Variants in PALS1 observed in about 807,000 individuals in gnomAD.
PALS1 encodes the protein protein PALS1.
PALS1 carries 31 observed loss-of-function variants against 78.9 expected under a neutral mutation model. The observed-to-expected ratio is 0.39, with a 90% CI of 0.30 to 0.53. The LOEUF (loss-of-function observed/expected upper bound fraction) is 0.53, where lower values mean the gene tolerates loss of function less well. PALS1 is among the 20% of genes least tolerant of loss of function. PALS1 has a pLI of 0.67. For synonymous variants in PALS1, 276 were observed against 270.9 expected (o/e 1.02, Z -0.18); for missense variants, 704 against 826.5 (o/e 0.85, Z 1.82).
chr14:67,320,084 C>CTGA, intron 11 of PALS1, 146 bp from the exon 12 acceptor site: 1 of 581,352 alleles, frequency 1.7e-6, no homozygotes. Context: ...ATATTGTTGT[C>CTGA]TGATTCATTT....
At chr14:67,244,087 AG>A (rs1237916187) in intron 1 of PALS1, among the ~76,000 whole-genome samples, 1 of 152,238 alleles carries the variant, frequency 6.6e-6, no homozygotes, top group African/African-American at 2.4e-5. Context: ...CTTAACTGGC[AG>A]GATTCTTTCT....
At position 67,323,767 on chromosome 14, in the gene PALS1, A is replaced by G; in HGVS notation, c.1806A>G (p.Gln602=). 1 of 1,605,458 alleles carries G rather than the reference A, an allele frequency of 6.2e-7. No homozygotes were observed. Among genetic ancestry groups the G allele is most frequent in the African/African-American group, 1.3e-5 (1 of 74,316 alleles). Residue 602 remains glutamine (Q), a synonymous_variant, in exon 14 of 15, where the codon CAA becomes CAG. Transcript: ENST00000261681. ...TTATCTTCATTGCACCCCCTTCACA[A>G]GAAAGACTTCGGGCATTATTGGCCA... ...PYIIFIAPPS[Q]ERLRALLAKE...
chr14:67,306,912 T>C (rs2085013217), intron 8 of PALS1, among the ~76,000 whole-genome samples: 5 of 152,216 alleles, frequency 3.3e-5, no homozygotes, highest in Admixed American at 3.3e-4. Flanking sequence ...TCAGCATCTG[T>C]TGATAGCAGC....
At chr14:67,327,550 T>A (rs2085377543) in intron 14 of PALS1, among the ~76,000 whole-genome samples, 1 of 152,118 alleles carries the variant, frequency 6.6e-6, no homozygotes, top group East Asian at 1.9e-4. Flanking sequence ...GCAGGTTTGT[T>A]ACGTATGTAT....
intron 1 of PALS1, chr14:67,254,182 C>CTTTTTTTTT (rs78097877): frequency 2.5e-5 from 3 of 118,542 alleles, no homozygotes; most frequent in Non-Finnish European, 5.5e-5. Context: ...AAGTGTCTTT[C>CTTTTTTTTT]TTTTTTTTTT....
chr14:67,276,399 G>T (rs1206828213), intron 2 of PALS1, among the ~76,000 whole-genome samples: 1 of 152,012 alleles, frequency 6.6e-6, no homozygotes, highest in Non-Finnish European at 1.5e-5. Context: ...CTACTATCTG[G>T]CTAATTTTTA....
chr14:67,290,233 A>G (rs2084752630), intron 3 of PALS1, among the ~76,000 whole-genome samples: 2 of 152,220 alleles, frequency 1.3e-5, no homozygotes, highest in African/African-American at 4.8e-5. Context: ...AAAAAGTGAC[A>G]TAACTAATTT....
At chr14:67,270,900 A>AGG (rs1335528726) in intron 2 of PALS1, 1 of 152,192 alleles carries the variant, frequency 6.6e-6, no homozygotes, top group Non-Finnish European at 1.5e-5. Context: ...TAGGGACTTG[A>AGG]GGGAGGTCTT....
At chr14:67,303,959 G>A (rs138509637) in intron 8 of PALS1, 6,794 of 196,764 alleles carry the variant, frequency 0.035, 146 homozygotes, top group African/African-American at 0.045. Flanking sequence ...GTAGAGACAG[G>A]GTTTTGCCAT....
chr14:67,292,768 G>T, intron 4 of PALS1, 49 bp downstream of exon 4: 1 of 1,392,084 alleles, frequency 7.2e-7, no homozygotes. Context: ...ATTAGTAGTG[G>T]CAGGAAGGCA....
intron 1 of PALS1, among the ~76,000 whole-genome samples, chr14:67,243,056 C>A (rs746283880): frequency 4.6e-5 from 7 of 152,104 alleles, no homozygotes; most frequent in Non-Finnish European, 7.4e-5. Flanking sequence ...AAATTTATCA[C>A]CCATTCCAAG....
intron 11 of PALS1, among the ~76,000 whole-genome samples, chr14:67,318,884 CATCTCTACT>C (rs1488417269): frequency 6.6e-6 from 1 of 151,948 alleles, no homozygotes; most frequent in Non-Finnish European, 1.5e-5. Flanking sequence ...GGTGAAACTC[CATCTCTACT>C]AAAAAATACA....
At chr14:67,329,835 A>AAAAT (rs199845948) in intron 14 of PALS1, among the ~76,000 whole-genome samples, 1,829 of 96,914 alleles carry the variant, frequency 0.019, 12 homozygotes, top group Middle Eastern at 0.042. Context: ...CTTGGTCTCA[A>AAAAT]AAATAAATAA....
rs538311297 is a variant in PALS1 at position 67,245,350 on chromosome 14, G to A, written c.-237+3817G>A. On this transcript the variant is annotated intron_variant, in intron 1 of 14. Transcript: ENST00000261681. Reference sequence around the variant, plus strand: ...GTCTTTAGATTTAGCCATTTTAGTAGTATCTCGTTGGGATTTTTCTTTGCA... The same window carrying A: ...GTCTTTAGATTTAGCCATTTTAGTAATATCTCGTTGGGATTTTTCTTTGCA... Among the ~76,000 whole-genome samples, 128 of 152,252 alleles carry A rather than the reference G, an allele frequency of 8.4e-4. 2 individuals are homozygous for A. The highest frequency in any genetic ancestry group is 2.9e-3 in the African/African-American group (122 of 41,536).
intron 3 of PALS1, among the ~76,000 whole-genome samples, chr14:67,288,856 C>T (rs1462357831): frequency 6.6e-6 from 1 of 151,630 alleles, no homozygotes; most frequent in African/African-American, 2.4e-5. Flanking sequence ...ACGGTTTTGA[C>T]TTTTAAATTT....
intron 1 of PALS1, among the ~76,000 whole-genome samples, chr14:67,242,935 G>T (rs926417738): frequency 2.0e-5 from 3 of 152,146 alleles, no homozygotes; most frequent in Admixed American, 6.5e-5. Flanking sequence ...ACCCAAGTCA[G>T]TACAGTGGGT....
In PALS1 at chr14:67,292,673, G is replaced by A. The variant is rs140810601; in HGVS notation, c.530G>A (p.Ser177Asn). The A allele has an allele frequency of 3.8e-3, 6,169 of 1,613,690 alleles. 32 individuals carry two copies. Among genetic ancestry groups the A allele is most frequent in the Non-Finnish European group, 4.2e-3 (4,982 of 1,179,762 alleles). ...NAITVHMNKA[S>N]PPFPLISNAQ... ...ATCACAGTACACATGAACAAGGCCA[G>A]TCCTCCATTTCCTCTTATCTCCAAC... The change falls in exon 4 of 15, where the codon AGT becomes AAT. Residue 177 changes from serine (S) to asparagine (N), a missense_variant. Physicochemically the swap from Ser to Asn is conservative, Grantham distance 46. Transcript: ENST00000261681.
chr14:67,245,654 T>G (rs562550977), intron 1 of PALS1, among the ~76,000 whole-genome samples: 181 of 152,264 alleles, frequency 1.2e-3, no homozygotes, highest in African/African-American at 4.3e-3. Flanking sequence ...CCCAAAAGTT[T>G]TATATAGTCC....
At chr14:67,331,645 G>T (rs1199982850) in intron 14 of PALS1, among the ~76,000 whole-genome samples, 1 of 152,082 alleles carries the variant, frequency 6.6e-6, no homozygotes. Flanking sequence ...CTTCAGACAT[G>T]AAGTACTAAA....
Sources: allele counts gnomAD v4.1 joint callset (sites outside exome capture counted in the v4.1 genomes callset), GRCh38; gene constraint gnomAD v4.1.1; transcripts MANE v1.5; gene names NCBI Gene and HGNC (gene_info 2026-07-23, HGNC 2026-07-21).